LDB2: variants seen among roughly 807,000 people sequenced by gnomAD.
The protein encoded by LDB2 is LIM domain-binding protein 2.
LDB2 carries 12 observed loss-of-function variants against 44.3 expected under a neutral mutation model. That is an observed-to-expected ratio of 0.27 (90% CI 0.17 to 0.44). LDB2 has a LOEUF of 0.44. Ranked by LOEUF, LDB2 falls within the 20% of genes least tolerant of loss-of-function variation. The probability of loss-of-function intolerance (pLI) is 1.00; values close to 1 mark genes in which losing one functional copy is unlikely to be tolerated. For missense variants in LDB2, 344 were observed against 473.5 expected (o/e 0.73, Z 2.54); for synonymous variants, 164 against 174.8 (o/e 0.94, Z 0.49).
intron 2 of LDB2, among the ~76,000 whole-genome samples, chr4:16,678,453 A>C (rs1746901616): frequency 6.6e-6 from 1 of 152,148 alleles, no homozygotes; most frequent in Non-Finnish European, 1.5e-5. Context: ...TGGGACAGGC[A>C]AAATGCAGTG....
chr4:16,898,401 C>A lies in LDB2; in HGVS notation c.85G>T (p.Glu29Ter). The A allele has an allele frequency of 6.2e-7, 1 of 1,613,784 alleles. No homozygotes were observed. Among genetic ancestry groups the A allele is most frequent in the Non-Finnish European group, 8.5e-7 (1 of 1,179,822 alleles). The change falls in exon 1 of 8, where the codon GAG (glutamate) becomes TAG (stop). Residue 29 changes from glutamate (E) to a stop codon, truncating the protein, a stop_gained. Transcript: ENST00000304523. LOFTEE classifies it high-confidence loss of function. ...RRHTPYMVQP[E>*]YRIYEMNKRL... ...TTGTTCATCTCATAGATTCGGTACT[C>A]TGGCTGTACCATGTATGGTGTATGC...
At chr4:16,876,523 A>G (rs1175646703) in intron 1 of LDB2, among the ~76,000 whole-genome samples, 2 of 152,198 alleles carry the variant, frequency 1.3e-5, no homozygotes, top group Non-Finnish European at 2.9e-5. Flanking sequence ...CCTAATGTAC[A>G]TTTCATTTTA....
chr4:16,595,610 T>C, intron 3 of LDB2, 93 bp downstream of exon 3: 1 of 1,158,826 alleles, frequency 8.6e-7, no homozygotes, highest in East Asian at 2.4e-5. Flanking sequence ...AGATGAGCAA[T>C]CGGCCCCAGG....
At chr4:16,704,826 A>G (rs573454451) in intron 2 of LDB2, among the ~76,000 whole-genome samples, 1 of 152,348 alleles carries the variant, frequency 6.6e-6, no homozygotes, top group African/African-American at 2.4e-5. Flanking sequence ...CTGCTTGCTC[A>G]CTTACAATTG....
At chr4:16,766,438 A>G (rs1769228723) in intron 1 of LDB2, among the ~76,000 whole-genome samples, 2 of 144,794 alleles carry the variant, frequency 1.4e-5, no homozygotes, top group Admixed American at 6.8e-5. Context: ...AAATGTATGT[A>G]TGTGTGTGTA....
chr4:16,872,818 T>C (rs903329169), intron 1 of LDB2, among the ~76,000 whole-genome samples: 42 of 152,214 alleles, frequency 2.8e-4, no homozygotes, highest in African/African-American at 7.0e-4. Flanking sequence ...TTCAGTATGT[T>C]TTAGCAAAAG....
Position 16,502,123 on chromosome 4 carries a change from A to G in LDB2, c.*520T>C, listed in dbSNP as rs1717669375. 6.5e-6 allele frequency: 1 copy of G among 153,524 alleles called. No homozygotes were observed. Among genetic ancestry groups the G allele is most frequent in the South Asian group, 2.1e-4 (1 of 4,876 alleles). 9.5% of individuals were successfully genotyped at this position (153,524 alleles called of 1,614,324 possible). On this transcript the variant is annotated 3_prime_UTR_variant, in exon 8 of 8. Coordinates refer to ENST00000304523, the MANE Select transcript of LDB2 (RefSeq NM_001290.5). ...GAAAGAAAACATAAAGAAAAAAAAAATAAGGTACATTTAAATTACTTTCCA... is the reference window on the plus strand; with the variant it reads ...GAAAGAAAACATAAAGAAAAAAAAAGTAAGGTACATTTAAATTACTTTCCA...
intron 1 of LDB2, among the ~76,000 whole-genome samples, chr4:16,769,864 G>C (rs920324017): frequency 1.3e-5 from 2 of 152,168 alleles, no homozygotes; most frequent in Admixed American, 6.5e-5. Flanking sequence ...TCTAGTGCCT[G>C]TGGATGCTGC....
chr4:16,654,159 G>T (rs1379094125), intron 2 of LDB2, among the ~76,000 whole-genome samples: 1 of 152,184 alleles, frequency 6.6e-6, no homozygotes, highest in South Asian at 2.1e-4. Context: ...ATTTGAGGGT[G>T]AGAACCTTGA....
At chr4:16,681,434 C>T (rs982025527) in intron 2 of LDB2, among the ~76,000 whole-genome samples, 2 of 152,062 alleles carry the variant, frequency 1.3e-5, no homozygotes, top group Non-Finnish European at 2.9e-5. Flanking sequence ...ATGACTTGGG[C>T]CTTGTGAGAA....
intron 1 of LDB2, among the ~76,000 whole-genome samples, chr4:16,800,707 C>T (rs1301514632): frequency 6.6e-6 from 1 of 152,240 alleles, no homozygotes; most frequent in Non-Finnish European, 1.5e-5. Flanking sequence ...CGGAGTCTCG[C>T]TCTGTCGCCC....
Position 16,595,856 on chromosome 4 carries a change from G to A in LDB2, c.255C>T (p.Ile85=), listed in dbSNP as rs149815960. 9.9e-5 allele frequency: 160 copies of A among 1,612,988 alleles called. No homozygotes were observed. The highest frequency in any genetic ancestry group is 1.3e-4 in the Non-Finnish European group (151 of 1,179,532). The change falls in exon 3 of 8, where the codon ATC becomes ATT. Residue 85 remains isoleucine, a synonymous_variant. Coordinates refer to ENST00000304523, the MANE Select transcript of LDB2 (RefSeq NM_001290.5). ...CAAACACAGTGCTAAAGTAACGGGG[G>A]ATGAGGGTCCTGCCGATAGCTGGGA... ...PKRYTIGRTL[I]PRYFSTVFEG...
chr4:16,845,807 A>G (rs1376209870), intron 1 of LDB2, among the ~76,000 whole-genome samples: 1 of 152,140 alleles, frequency 6.6e-6, no homozygotes, highest in African/African-American at 2.4e-5. Context: ...TAGTTTGCCC[A>G]AAAGAAATGA....
Position 16,888,805 on chromosome 4 carries a change from A to G in LDB2, c.132+9549T>C, listed in dbSNP as rs944277880. 20 of 751,058 alleles carry G rather than the reference A, an allele frequency of 2.7e-5. No individual in the cohort carries two copies. The African/African-American group carries it at 3.8e-4, about 14-fold the overall frequency. 46.5% of individuals were successfully genotyped at this position (751,058 alleles called of 1,614,324 possible). On this transcript the variant is annotated intron_variant, in intron 1 of 7. Coordinates refer to ENST00000304523, the MANE Select transcript of LDB2 (RefSeq NM_001290.5). ...ACATGCATTTATTCTTTACTTTGCA[A>G]TGTAACTTTCAGGCTAAGGAAATTG... is the stretch of plus-strand genomic sequence containing the variant.
At chr4:16,659,236 A>G (rs1461651565) in intron 2 of LDB2, among the ~76,000 whole-genome samples, 1 of 152,142 alleles carries the variant, frequency 6.6e-6, no homozygotes, top group Non-Finnish European at 1.5e-5. Context: ...TGGCAGCTTG[A>G]TCTTTCTGTA....
chr4:16,750,612 G>A (rs1030319900), intron 2 of LDB2, among the ~76,000 whole-genome samples: 2 of 152,160 alleles, frequency 1.3e-5, no homozygotes, highest in Non-Finnish European at 2.9e-5. Context: ...CCACATTGTA[G>A]CTGCTCTGGA....
chr4:16,627,346 GA>G (rs1730552697), intron 2 of LDB2, among the ~76,000 whole-genome samples: 1 of 152,036 alleles, frequency 6.6e-6, no homozygotes, highest in African/African-American at 2.4e-5. Context: ...CCAGTTCAGT[GA>G]AAAAGGGGTT....
chr4:16,644,660 C>T (rs981667703), intron 2 of LDB2, among the ~76,000 whole-genome samples: 5 of 152,270 alleles, frequency 3.3e-5, no homozygotes, highest in African/African-American at 1.2e-4. Flanking sequence ...GAGCTTCTGA[C>T]CTCAAGTCAT....
chr4:16,516,920 T>G (rs991032647), intron 5 of LDB2, among the ~76,000 whole-genome samples: 3 of 152,246 alleles, frequency 2.0e-5, no homozygotes, highest in Non-Finnish European at 2.9e-5. Context: ...CTTATTCATG[T>G]ATGCAAATGA....
Sources: allele counts gnomAD v4.1 joint callset (sites outside exome capture counted in the v4.1 genomes callset), GRCh38; gene constraint gnomAD v4.1.1; transcripts MANE v1.5; gene names NCBI Gene and HGNC (gene_info 2026-07-23, HGNC 2026-07-21).